Variants in ZFAT observed in about 807,000 individuals in gnomAD.
ZFAT encodes the protein zinc finger protein ZFAT.
A neutral mutation model predicts 117.7 loss-of-function variants in ZFAT; 64 were observed. That is an observed-to-expected ratio of 0.54 (90% CI 0.44 to 0.67). The LOEUF is 0.67. Among genes scored for constraint, ZFAT ranks in the 30% least tolerant of loss-of-function variants. The probability of loss-of-function intolerance (pLI) is 0.00; values close to 1 mark genes in which losing one functional copy is unlikely to be tolerated. For missense variants in ZFAT, 1,433 were observed against 1,584.5 expected (o/e 0.90, Z 1.62); for synonymous variants, 679 against 615.0 (o/e 1.10, Z -1.54).
intron 2 of ZFAT, among the ~76,000 whole-genome samples, chr8:134,656,211 A>T (rs945911644): frequency 3.9e-5 from 6 of 152,152 alleles, no homozygotes; most frequent in African/African-American, 1.4e-4. Context: ...TGTCCCATGC[A>T]AACTTTCCTC....
intron 3 of ZFAT, among the ~76,000 whole-genome samples, chr8:134,627,678 A>G (rs1720576575): frequency 2.0e-5 from 3 of 152,068 alleles, no homozygotes; most frequent in Non-Finnish European, 1.5e-5. Flanking sequence ...CACCCATTAG[A>G]TATTGTACAG....
chr8:134,569,206 A>G (rs1372094570), intron 10 of ZFAT, among the ~76,000 whole-genome samples: 2 of 152,118 alleles, frequency 1.3e-5, no homozygotes, highest in Non-Finnish European at 2.9e-5. Flanking sequence ...TCACCCTTTC[A>G]TGGATGAGGA....
At chr8:134,752,228 T>A in the ZFAT span, among the ~76,000 whole-genome samples, 8 of 152,142 alleles carry the variant, frequency 5.3e-5, no homozygotes, top group Middle Eastern at 3.2e-3. Flanking sequence ...CTCTCTAACA[T>A]CTTAATCTAT....
At chr8:134,656,068 A>AG (rs951483859) in intron 2 of ZFAT, among the ~76,000 whole-genome samples, 1 of 152,180 alleles carries the variant, frequency 6.6e-6, no homozygotes, top group African/African-American at 2.4e-5. Flanking sequence ...ACTGCTCAGC[A>AG]GGGAAGTGGG....
At chr8:134,819,743 T>C in the ZFAT span, among the ~76,000 whole-genome samples, 2 of 152,068 alleles carry the variant, frequency 1.3e-5, no homozygotes, top group East Asian at 3.9e-4. Context: ...CCTTTGATAA[T>C]ATGATGAAAG....
chr8:134,803,686 G>C, the ZFAT span, among the ~76,000 whole-genome samples: 8 of 152,130 alleles, frequency 5.3e-5, no homozygotes, highest in African/African-American at 1.9e-4. Context: ...TGCTCATCTG[G>C]ATAAAAGATA....
intron 11 of ZFAT, among the ~76,000 whole-genome samples, chr8:134,556,077 G>A (rs1214704745): frequency 8.9e-6 from 1 of 112,892 alleles, no homozygotes; most frequent in Non-Finnish European, 1.9e-5. Context: ...GGAAGGAAGG[G>A]AAGGAAGGGA....
At chr8:134,728,318 A>G in the ZFAT span, among the ~76,000 whole-genome samples, 4 of 151,868 alleles carry the variant, frequency 2.6e-5, no homozygotes, top group Non-Finnish European at 4.4e-5. Context: ...CAGACTTCAA[A>G]TGGAATTGTG....
chr8:134,706,976 T>G (rs1834169147), intron 1 of ZFAT, among the ~76,000 whole-genome samples: 1 of 151,994 alleles, frequency 6.6e-6, no homozygotes, highest in Non-Finnish European at 1.5e-5. Flanking sequence ...GTTATCTTCC[T>G]GTCCCTCAAC....
At chr8:134,662,962 A>G (rs1832007060) in intron 1 of ZFAT, among the ~76,000 whole-genome samples, 1 of 152,270 alleles carries the variant, frequency 6.6e-6, no homozygotes, top group African/African-American at 2.4e-5. Context: ...ACTTCTCCCT[A>G]CAAAGTTGCT....
chr8:134,517,942 T>A (rs1820368715), intron 13 of ZFAT, among the ~76,000 whole-genome samples: 1 of 152,202 alleles, frequency 6.6e-6, no homozygotes, highest in Non-Finnish European at 1.5e-5. Flanking sequence ...TTACTGATGA[T>A]GCCAACCTCT....
the ZFAT span, among the ~76,000 whole-genome samples, chr8:134,741,089 G>A: frequency 1.3e-5 from 2 of 152,100 alleles, no homozygotes; most frequent in African/African-American, 4.8e-5. Flanking sequence ...TATGATTTGT[G>A]TTTTAAATTC....
At chr8:134,545,020 G>A (rs1178166798) in intron 11 of ZFAT, among the ~76,000 whole-genome samples, 1 of 152,132 alleles carries the variant, frequency 6.6e-6, no homozygotes, top group Non-Finnish European at 1.5e-5. Context: ...CAGCAACTGA[G>A]CTCATAAAAG....
the ZFAT span, among the ~76,000 whole-genome samples, chr8:134,828,067 AT>A: frequency 6.6e-6 from 1 of 152,318 alleles, no homozygotes; most frequent in East Asian, 1.9e-4. Context: ...TTGTGTCCTC[AT>A]TAATCATAAA....
At chr8:134,741,849 G>A in the ZFAT span, among the ~76,000 whole-genome samples, 1 of 149,816 alleles carries the variant, frequency 6.7e-6, no homozygotes, top group African/African-American at 2.5e-5. Context: ...CTTTCCACCA[G>A]TCACTTGAAA....
the ZFAT span, among the ~76,000 whole-genome samples, chr8:134,735,247 A>G: frequency 3.9e-5 from 6 of 152,202 alleles, no homozygotes; most frequent in Non-Finnish European, 7.3e-5. Flanking sequence ...TTTTCCTAGC[A>G]AGAGCTCCCA....
At chr8:134,677,206 TAAA>T (rs1832847579) in intron 1 of ZFAT, among the ~76,000 whole-genome samples, 1 of 151,586 alleles carries the variant, frequency 6.6e-6, no homozygotes, top group Non-Finnish European at 1.5e-5. Flanking sequence ...GCCAGACTAA[TAAA>T]GAAGAAAAGA....
the ZFAT span, among the ~76,000 whole-genome samples, chr8:134,743,797 A>G: frequency 1.7e-4 from 26 of 152,252 alleles, no homozygotes; most frequent in South Asian, 5.2e-3. Flanking sequence ...GCGAGAAGAG[A>G]ACCCACTTAT....
the ZFAT span, among the ~76,000 whole-genome samples, chr8:134,810,127 G>A: frequency 4.3e-4 from 66 of 152,226 alleles, no homozygotes; most frequent in African/African-American, 1.1e-3. Context: ...TCTATAGTGC[G>A]TTCCATGATT....
Sources: allele counts gnomAD v4.1 joint callset (sites outside exome capture counted in the v4.1 genomes callset), GRCh38; gene constraint gnomAD v4.1.1; transcripts MANE v1.5; gene names NCBI Gene and HGNC (gene_info 2026-07-23, HGNC 2026-07-21).